The following ROBO2 variants were observed in gnomAD, a reference collection of about 807,000 sequenced individuals.
ROBO2 encodes the protein roundabout homolog 2.
Under a neutral mutation model 160.8 loss-of-function variants are expected in ROBO2, and 53 were observed. That is an observed-to-expected ratio of 0.33 (90% CI 0.26 to 0.41). The LOEUF (loss-of-function observed/expected upper bound fraction) is 0.41, where lower values mean the gene tolerates loss of function less well. ROBO2 is among the 10% of genes least tolerant of loss of function. The pLI, the probability that ROBO2 is intolerant of heterozygous loss-of-function variation, is 1.00. For missense variants in ROBO2, 1,577 were observed against 1,722.4 expected, an observed-to-expected ratio of 0.92 and a Z score of 1.49; for synonymous variants, 664 against 611.7, an observed-to-expected ratio of 1.09 and a Z score of -1.26.
intron 2 of ROBO2, among the ~76,000 whole-genome samples, chr3:76,741,266 GAAATT>G (rs542940303): frequency 1.7e-3 from 254 of 152,012 alleles, no homozygotes; most frequent in African/African-American, 5.8e-3. Context: ...AATATAAAAA[GAAATT>G]AAAATAAATT....
In ROBO2 at chr3:77,096,716, C is replaced by T. The variant is rs1239279787; in HGVS notation, c.62-1298C>T. ...CCACCCACCTCGGCCTCCCAAAATA[C>T]TGGGATTACAGGTGTGAGCCACCGT... On this transcript the variant is annotated intron_variant, in intron 1 of 25. Transcript: ENST00000461745. Among the ~76,000 whole-genome samples the T allele has an allele frequency of 2.6e-5, 4 of 152,226 alleles. No homozygotes were observed. The East Asian group carries it at 7.7e-4, about 29-fold the overall frequency.
chr3:76,995,217 G>C (rs1467582033), intron 2 of ROBO2, among the ~76,000 whole-genome samples: 1 of 147,828 alleles, frequency 6.8e-6, no homozygotes. Context: ...TTCTGTCTTT[G>C]TGATAGTTTG....
intron 2 of ROBO2, among the ~76,000 whole-genome samples, chr3:77,356,261 A>G (rs1012625417): frequency 1.3e-5 from 2 of 152,168 alleles, no homozygotes; most frequent in African/African-American, 4.8e-5. Context: ...GTTACAAAAC[A>G]ATTTGTTCAG....
At chr3:76,961,171 A>G (rs2079619855) in intron 2 of ROBO2, among the ~76,000 whole-genome samples, 1 of 151,550 alleles carries the variant, frequency 6.6e-6, no homozygotes, top group Non-Finnish European at 1.5e-5. Context: ...GGTTTGTTGA[A>G]AGACAGACCC....
chr3:75,919,351 G>A (rs779779230), intron 1 of ROBO2, among the ~76,000 whole-genome samples: 8 of 152,100 alleles, frequency 5.3e-5, no homozygotes, highest in East Asian at 3.9e-4. Flanking sequence ...ATTGATTTGC[G>A]TATGTTGAAC....
At position 76,653,858 on chromosome 3, in the gene ROBO2, C is replaced by T. The variant is rs918596327; in HGVS notation, c.110-444156C>T. ...TGACCTCCATTCAATTAGTTACCAC[C>T]GAAGATTCAGCTATTAATTATAGTG... is the stretch of plus-strand genomic sequence containing the variant. On this transcript the variant is annotated intron_variant, in intron 2 of 26. Coordinates refer to the ROBO2 transcript ENST00000487694. 6.6e-5 allele frequency among the ~76,000 whole-genome samples: 10 copies of T among 152,210 alleles called. No individual in the cohort carries two copies. In the East Asian group the frequency reaches 1.9e-3, roughly 29 times the overall value.
intron 2 of ROBO2, among the ~76,000 whole-genome samples, chr3:76,837,788 A>G (rs1012733327): frequency 1.1e-4 from 16 of 152,028 alleles, no homozygotes; most frequent in African/African-American, 3.9e-4. Flanking sequence ...CAGGATACGT[A>G]ACATTTGTGC....
chr3:77,327,257 T>G (rs2065492375), intron 2 of ROBO2, among the ~76,000 whole-genome samples: 1 of 152,182 alleles, frequency 6.6e-6, no homozygotes. Context: ...TAACCAATGT[T>G]CTGGATTCAA....
intron 2 of ROBO2, among the ~76,000 whole-genome samples, chr3:76,949,029 G>A (rs1052128197): frequency 2.0e-5 from 3 of 148,696 alleles, no homozygotes; most frequent in African/African-American, 7.5e-5. Flanking sequence ...GGGATTACAG[G>A]CGTGAGCCAC....
intron 2 of ROBO2, among the ~76,000 whole-genome samples, chr3:76,054,858 T>C (rs1026074850): frequency 6.6e-6 from 1 of 152,152 alleles, no homozygotes; most frequent in Non-Finnish European, 1.5e-5. Flanking sequence ...AACTGACACA[T>C]CCTGTGTCAG....
chr3:77,493,431 T>C (rs868336688), intron 5 of ROBO2, 49 bp downstream of exon 5: 1 of 1,601,408 alleles, frequency 6.2e-7, no homozygotes. Flanking sequence ...AATGAATAAT[T>C]AGAAAATAAA....
At chr3:76,624,755 G>A (rs1191378477) in intron 2 of ROBO2, among the ~76,000 whole-genome samples, 3 of 112,216 alleles carry the variant, frequency 2.7e-5, no homozygotes, top group Non-Finnish European at 5.0e-5. Flanking sequence ...CTGAGATCGC[G>A]CTATTCTTTC....
chr3:76,260,589 T>C (rs2107591775), intron 2 of ROBO2, among the ~76,000 whole-genome samples: 1 of 152,150 alleles, frequency 6.6e-6, no homozygotes, highest in Middle Eastern at 3.4e-3. Flanking sequence ...CCAAATAGAA[T>C]GGATTAAAAA....
intron 2 of ROBO2, among the ~76,000 whole-genome samples, chr3:76,224,204 T>C (rs570636288): frequency 2.0e-5 from 3 of 152,296 alleles, no homozygotes; most frequent in African/African-American, 7.2e-5. Flanking sequence ...ATTTTGAGAA[T>C]GAGTTTTCTG....
intron 2 of ROBO2, among the ~76,000 whole-genome samples, chr3:76,275,666 A>G (rs1707875885): frequency 6.6e-6 from 1 of 152,210 alleles, no homozygotes; most frequent in Non-Finnish European, 1.5e-5. Context: ...AATTAAGTAC[A>G]TACAATTGAA....
intron 2 of ROBO2, among the ~76,000 whole-genome samples, chr3:77,279,152 G>C (rs536445449): frequency 1.3e-5 from 2 of 151,830 alleles, no homozygotes; most frequent in South Asian, 4.1e-4. Context: ...TTTTTTTCAC[G>C]TAAACAATTA....
intron 2 of ROBO2, among the ~76,000 whole-genome samples, chr3:76,726,988 AC>A (rs2093562425): frequency 6.6e-6 from 1 of 152,198 alleles, no homozygotes; most frequent in South Asian, 2.1e-4. Context: ...TAAAACTGGA[AC>A]TGATGTTCCC....
At chr3:76,480,117 A>T (rs1345996768) in intron 2 of ROBO2, among the ~76,000 whole-genome samples, 1 of 152,134 alleles carries the variant, frequency 6.6e-6, no homozygotes, top group Non-Finnish European at 1.5e-5. Context: ...CAGCACCATA[A>T]GTTATTTATT....
intron 2 of ROBO2, among the ~76,000 whole-genome samples, chr3:77,433,399 G>T (rs1310969445): frequency 6.7e-6 from 1 of 148,424 alleles, no homozygotes. Context: ...ATCACTCCTA[G>T]ATGACATCTA....
Sources: gnomAD v4.1 joint callset for allele counts (sites outside exome capture counted in the v4.1 genomes callset) on GRCh38, gnomAD v4.1.1 for gene constraint, MANE v1.5 for transcripts, NCBI Gene and HGNC (gene_info 2026-07-23, HGNC 2026-07-21) for gene names.